The following MPHOSPH6 variants were observed in gnomAD, a reference collection of about 807,000 sequenced individuals.
The protein encoded by MPHOSPH6 is M-phase phosphoprotein 6.
Under a neutral mutation model 21.8 loss-of-function variants are expected in MPHOSPH6, and 25 were observed. The observed-to-expected ratio is 1.15, with a 90% CI of 0.83 to 1.60. The LOEUF is 1.60. MPHOSPH6 is among the 40% of genes most tolerant of loss of function. The pLI, the probability that MPHOSPH6 is intolerant of heterozygous loss-of-function variation, is 0.00. For synonymous variants in MPHOSPH6, 84 were observed against 56.5 expected (o/e 1.49, Z -2.18); for missense variants, 269 against 181.8 (o/e 1.48, Z -2.76).
chr16:82,165,637 T>C (rs1027636796), intron 1 of MPHOSPH6, among the ~76,000 whole-genome samples: 3 of 103,558 alleles, frequency 2.9e-5, no homozygotes, highest in African/African-American at 5.9e-5. Flanking sequence ...TTATTGTACC[T>C]TTTCTATATC....
intron 2 of MPHOSPH6, among the ~76,000 whole-genome samples, chr16:82,156,027 A>G (rs1254028584): frequency 6.6e-6 from 1 of 152,258 alleles, no homozygotes; most frequent in Non-Finnish European, 1.5e-5. Flanking sequence ...CAGCACTATA[A>G]CTACAAAATT....
In MPHOSPH6 at chr16:82,149,215, A is replaced by G. The variant is rs28612577; in HGVS notation, c.350+94T>C. On this transcript the variant is annotated intron_variant, in intron 4 of 4. Transcript: ENST00000258169. ...ATCGTCCTACTGGGGGACTCCCTTG[A>G]AAGCTGCCGTGCACTGTGGGGTAAG... 8,599 of 1,317,032 alleles carry G rather than the reference A, an allele frequency of 6.5e-3. 401 individuals are homozygous for G. In the African/African-American group the frequency reaches 0.11, roughly 16 times the overall value. 81.6% of individuals were successfully genotyped at this position (1,317,032 alleles called of 1,614,324 possible).
At chr16:82,159,467 C>CA (rs1906537596) in intron 2 of MPHOSPH6, among the ~76,000 whole-genome samples, 1 of 151,996 alleles carries the variant, frequency 6.6e-6, no homozygotes, top group Admixed American at 6.6e-5. Context: ...TGCAGTAGCG[C>CA]AATCTCGGCT....
intron 2 of MPHOSPH6, among the ~76,000 whole-genome samples, chr16:82,161,118 A>G (rs1174970125): frequency 6.6e-6 from 1 of 152,238 alleles, no homozygotes; most frequent in Non-Finnish European, 1.5e-5. Context: ...ACTCAGGTTC[A>G]ACCAGTTCTT....
chr16:82,162,699 G>C (rs1906645118), intron 2 of MPHOSPH6, among the ~76,000 whole-genome samples: 1 of 152,182 alleles, frequency 6.6e-6, no homozygotes, highest in African/African-American at 2.4e-5. Context: ...CACCTTGATA[G>C]TCTCTCCTCA....
chr16:82,148,649 A>G lies in MPHOSPH6; in HGVS notation c.*82T>C. 1 of 1,507,972 alleles carries G rather than the reference A, an allele frequency of 6.6e-7. No individual in the cohort carries two copies. The highest frequency in any genetic ancestry group is 9.0e-7 in the Non-Finnish European group (1 of 1,113,022). The allele number at this position is 1,507,972 out of a possible 1,614,324, so 93.4% of individuals were successfully genotyped here. A position where few individuals can be genotyped will look rare whatever the true frequency, so the allele number is the denominator to read the frequency against. On this transcript the variant is annotated 3_prime_UTR_variant, in exon 5 of 5. Coordinates refer to ENST00000258169, the MANE Select transcript of MPHOSPH6 (RefSeq NM_005792.2). ...AGTAAACGTTACAGTATTAATAACT[A>G]TAGAGACACCATTGGGATGAGCTCC...
chr16:82,163,533 T>C (rs550754423), intron 2 of MPHOSPH6, among the ~76,000 whole-genome samples: 9 of 152,302 alleles, frequency 5.9e-5, no homozygotes, highest in African/African-American at 1.7e-4. Context: ...GACAGAATCA[T>C]AGGAGGCAGT....
intron 2 of MPHOSPH6, among the ~76,000 whole-genome samples, chr16:82,159,053 G>C (rs1906524321): frequency 6.6e-6 from 1 of 152,172 alleles, no homozygotes; most frequent in South Asian, 2.1e-4. Flanking sequence ...ACTGAGTTTT[G>C]GAGTTGTACC....
chr16:82,149,204 G>A lies in MPHOSPH6; in HGVS notation c.350+105C>T, dbSNP rs971539746. The A allele has an allele frequency of 7.7e-6, 9 of 1,166,620 alleles. No individual in the cohort carries two copies. The African/African-American group carries it at 1.4e-4, about 18-fold the overall frequency. The allele number at this position is 1,166,620 out of a possible 1,614,324, so 72.3% of individuals were successfully genotyped here. A position where few individuals can be genotyped will look rare whatever the true frequency, so the allele number is the denominator to read the frequency against. On this transcript the variant is annotated intron_variant, in intron 4 of 4. Transcript: ENST00000258169. ...CGATCACAGTCATCGTCCTACTGGG[G>A]GACTCCCTTGAAAGCTGCCGTGCAC...
intron 1 of MPHOSPH6, among the ~76,000 whole-genome samples, chr16:82,168,373 T>G (rs1378903971): frequency 6.6e-6 from 1 of 152,208 alleles, no homozygotes; most frequent in African/African-American, 2.4e-5. Context: ...CTCTAAGTTA[T>G]GCTGCAATTT....
In MPHOSPH6 at chr16:82,165,127, T is replaced by A. The variant is rs1188150076; in HGVS notation, c.52-933A>T. ...GGTCCGATATTTCTTTTTTATTTTT[T>A]TTTTTATTTTTTTTTTTTGAGACAG... is the stretch of plus-strand genomic sequence containing the variant. On this transcript the variant is annotated intron_variant, in intron 1 of 4. Coordinates refer to ENST00000258169, the MANE Select transcript of MPHOSPH6 (RefSeq NM_005792.2). Among the ~76,000 whole-genome samples the A allele has an allele frequency of 3.4e-5, 3 of 88,078 alleles. 1 individual carries two copies. Among genetic ancestry groups the A allele is most frequent in the Non-Finnish European group, 6.2e-5 (3 of 48,642 alleles). The allele number at this position is 88,078 out of a possible 152,430, so 57.8% of individuals were successfully genotyped here.
chr16:82,151,307 T>C (rs762127641), intron 3 of MPHOSPH6, 117 bp downstream of exon 3: 26 of 1,409,458 alleles, frequency 1.8e-5, no homozygotes. Context: ...TCAAGACTTG[T>C]TATTTTCTAT....
At chr16:82,151,372 G>T (rs1906259018) in intron 3 of MPHOSPH6, 52 bp downstream of exon 3, 1 of 1,594,078 alleles carries the variant, frequency 6.3e-7, no homozygotes, top group Non-Finnish European at 8.5e-7. Flanking sequence ...ATTATTAGCA[G>T]AAAAAAATTC....
chr16:82,159,917 C>G (rs1366212534), intron 2 of MPHOSPH6, among the ~76,000 whole-genome samples: 1 of 152,132 alleles, frequency 6.6e-6, no homozygotes, highest in Non-Finnish European at 1.5e-5. Flanking sequence ...TCTCAATTGC[C>G]CAATCTTATT....
chr16:82,157,403 T>A (rs912112321), intron 2 of MPHOSPH6, among the ~76,000 whole-genome samples: 1 of 152,212 alleles, frequency 6.6e-6, no homozygotes, highest in Non-Finnish European at 1.5e-5. Flanking sequence ...ATTGCACAAT[T>A]CCTTTTTTAT....
intron 2 of MPHOSPH6, among the ~76,000 whole-genome samples, chr16:82,155,540 A>C (rs1906401329): frequency 6.6e-6 from 1 of 152,158 alleles, no homozygotes; most frequent in Non-Finnish European, 1.5e-5. Context: ...AGTTTGAAAA[A>C]ACTCTATTTA....
intron 1 of MPHOSPH6, among the ~76,000 whole-genome samples, chr16:82,166,309 A>G (rs1451293736): frequency 6.6e-6 from 1 of 152,348 alleles, no homozygotes; most frequent in Non-Finnish European, 1.5e-5. Flanking sequence ...TCATCCCAGG[A>G]AAGAACTGCA....
chr16:82,163,845 G>T (rs1195362327), intron 2 of MPHOSPH6: 5 of 412,792 alleles, frequency 1.2e-5, no homozygotes, highest in Non-Finnish European at 2.1e-5. Context: ...TGTGGGCTAG[G>T]TTCCTTCATT....
chr16:82,155,498 C>A (rs1315845075), intron 2 of MPHOSPH6, among the ~76,000 whole-genome samples: 5 of 152,198 alleles, frequency 3.3e-5, no homozygotes, highest in Non-Finnish European at 5.9e-5. Flanking sequence ...TTTCTACACA[C>A]CCCTCCACCC....
Sources: gnomAD v4.1 joint callset for allele counts (sites outside exome capture counted in the v4.1 genomes callset) on GRCh38, gnomAD v4.1.1 for gene constraint, MANE v1.5 for transcripts, NCBI Gene and HGNC (gene_info 2026-07-23, HGNC 2026-07-21) for gene names.